KCTD6: variants seen among roughly 807,000 people sequenced by gnomAD.
KCTD6 encodes the protein BTB/POZ domain-containing protein KCTD6.
Under a neutral mutation model 18.7 loss-of-function variants are expected in KCTD6, and 6 were observed. That is an observed-to-expected ratio of 0.32 (90% confidence interval 0.18 to 0.63). KCTD6 has a LOEUF of 0.63. Ranked by LOEUF, KCTD6 falls within the 30% of genes least tolerant of loss-of-function variation. The pLI is 0.79. For missense variants in KCTD6, 165 were observed against 300.2 expected (o/e 0.55, Z 3.33); for synonymous variants, 86 against 108.5 (o/e 0.79, Z 1.29).
At position 58,501,115 on chromosome 3, in the gene KCTD6, GA is replaced by G; in HGVS notation, c.198del (p.Tyr67MetfsTer6). 1 of 1,614,158 alleles carries G rather than the reference GA, an allele frequency of 6.2e-7. No homozygotes were observed. Among genetic ancestry groups the G allele is most frequent in the Non-Finnish European group, 8.5e-7 (1 of 1,180,030 alleles). On this transcript the variant is annotated frameshift_variant, in exon 3 of 3. Coordinates refer to ENST00000404589, the MANE Select transcript of KCTD6 (RefSeq NM_001128214.2). LOFTEE classifies it high-confidence loss of function. The surrounding 1 kb of genome is among the most constrained non-coding windows in gnomAD (Gnocchi z 9.7). ...ATTGATCGAGATGGACCTCTTTTCC[GA>G]TATGTCCTCAACTTCTTAAGAACTT... ...YFIDRDGPLF[R>X]YVLNFLRTSE... is the part of the protein sequence containing the mutation.
intron 1 of KCTD6, among the ~76,000 whole-genome samples, chr3:58,495,283 G>A (rs1293101823): frequency 6.6e-6 from 1 of 152,120 alleles, no homozygotes; most frequent in Admixed American, 6.5e-5. Context: ...GCCCTCCACT[G>A]GAGACTGTGC....
In KCTD6 at chr3:58,493,150, A is replaced by T. The variant is rs1036296169; in HGVS notation, c.-44+981A>T. On this transcript the variant is annotated intron_variant, in intron 1 of 2. Coordinates refer to ENST00000404589, the MANE Select transcript of KCTD6 (RefSeq NM_001128214.2). The surrounding 1 kb of genome is among the most constrained non-coding windows in gnomAD (Gnocchi z 4.5). The stretch of plus-strand genomic sequence containing the variant: ...GCACAGTCCTGAGCCCAAGATTGAG[A>T]TGTTTTCAAATGAACGAATATGTAG... 3.3e-5 allele frequency among the ~76,000 whole-genome samples: 5 copies of T among 152,180 alleles called. No individual in the cohort carries two copies. The highest frequency in any genetic ancestry group is 1.2e-4 in the African/African-American group (5 of 41,452).
In KCTD6 at chr3:58,493,662, G is replaced by C. The variant is rs2063164342; in HGVS notation, c.-44+1493G>C. Among the ~76,000 whole-genome samples the C allele has an allele frequency of 6.6e-6, 1 of 152,196 alleles. No individual in the cohort carries two copies. The highest frequency in any genetic ancestry group is 1.5e-5 in the Non-Finnish European group (1 of 68,042). On this transcript the variant is annotated intron_variant, in intron 1 of 2. Transcript: ENST00000404589. The surrounding 1 kb of genome is among the most constrained non-coding windows in gnomAD (Gnocchi z 4.5). ...GAGATTTGAAGCAAATTAAGAGGCT[G>C]CCTCCTCCATATTTGCCGTCTCCAG...
Position 58,501,243 on chromosome 3 carries a change from A to G in KCTD6, c.325A>G (p.Lys109Glu). 6.2e-7 allele frequency: 1 copy of G among 1,614,148 alleles called. No homozygotes were observed. The highest frequency in any genetic ancestry group is 8.5e-7 in the Non-Finnish European group (1 of 1,180,018). Residue 109 changes from lysine (K) to glutamate (E), a missense_variant, in exon 3 of 3, where the codon AAG becomes GAG. By Grantham distance (56) the Lys-to-Glu change is moderately conservative (BLOSUM62 1). Coordinates refer to ENST00000404589, the MANE Select transcript of KCTD6 (RefSeq NM_001128214.2). This position sits in a 1 kb window ranked among gnomAD's most constrained non-coding sequence, Gnocchi z 9.7. ...CTTGATTCAGTGTCTCAATGATCCTAAGCCTTTGTATCCCATGGATACTTT... is the reference window on the plus strand; with the variant it reads ...CTTGATTCAGTGTCTCAATGATCCTGAGCCTTTGTATCCCATGGATACTTT... ...EPLIQCLNDP[K>E]PLYPMDTFEE...
At position 58,501,861 on chromosome 3, in the gene KCTD6, A is replaced by G. The variant is rs1247408226; in HGVS notation, c.*229A>G. 5 of 339,308 alleles carry G rather than the reference A, an allele frequency of 1.5e-5. No homozygotes were observed. The highest frequency in any genetic ancestry group is 2.1e-5 in the Non-Finnish European group (4 of 188,978). 21.0% of individuals were successfully genotyped at this position (339,308 alleles called of 1,614,324 possible). On this transcript the variant is annotated 3_prime_UTR_variant, in exon 3 of 3. Transcript: ENST00000404589. The surrounding 1 kb of genome is among the most constrained non-coding windows in gnomAD (Gnocchi z 9.7). ...TTCAGAGTCTCCAGATACCTTTTTT[A>G]TAAAAAGAAGTCTGAAAATCATTAT... is the stretch of plus-strand genomic sequence containing the variant.
rs1394603149 is a variant in KCTD6, at chr3:58,492,184, C to T, written c.-44+15C>T. 3 of 149,056 alleles carry T rather than the reference C, an allele frequency of 2.0e-5. No homozygotes were observed. The highest frequency in any genetic ancestry group is 3.0e-5 in the Non-Finnish European group (2 of 66,666). The allele number at this position is 149,056 out of a possible 1,614,324, so 9.2% of individuals were successfully genotyped here. A position where few individuals can be genotyped will look rare whatever the true frequency, so the allele number is the denominator to read the frequency against. ...GCCGCCGCGCAGTGAGTGGGGCTGGCGCGGGGCTTGCGGGGCCGGGGTTTG... is the reference window on the plus strand; with the variant it reads ...GCCGCCGCGCAGTGAGTGGGGCTGGTGCGGGGCTTGCGGGGCCGGGGTTTG... On this transcript the variant is annotated intron_variant, in intron 1 of 2. Coordinates refer to ENST00000404589, the MANE Select transcript of KCTD6 (RefSeq NM_001128214.2). The surrounding 1 kb of genome is among the most constrained non-coding windows in gnomAD (Gnocchi z 6.1).
rs1037176933 is a variant in KCTD6 at position 58,498,588 on chromosome 3, T to A, written c.-43-125T>A. ...CCCCAGATCTTTGCCCTGTAGTAGG[T>A]TTCAGCTGAGCAAGGACGAGTAGTT... On this transcript the variant is annotated intron_variant, in intron 1 of 2. Coordinates refer to ENST00000404589, the MANE Select transcript of KCTD6 (RefSeq NM_001128214.2). The surrounding 1 kb of genome is among the most constrained non-coding windows in gnomAD (Gnocchi z 4.6). 1.2e-4 allele frequency: 79 copies of A among 656,280 alleles called. 1 individual carries two copies. In the South Asian group the frequency reaches 1.4e-3, roughly 11 times the overall value. The allele number at this position is 656,280 out of a possible 1,614,324, so 40.7% of individuals were successfully genotyped here.
chr3:58,495,758 A>G (rs1395644516), intron 1 of KCTD6, among the ~76,000 whole-genome samples: 1 of 152,188 alleles, frequency 6.6e-6, no homozygotes, highest in Non-Finnish European at 1.5e-5. Flanking sequence ...TTTAAGAAAC[A>G]TGGGCTGTAG....
chr3:58,501,670 A>T lies in KCTD6; in HGVS notation c.*38A>T, dbSNP rs2063205338. On this transcript the variant is annotated 3_prime_UTR_variant, in exon 3 of 3. Transcript: ENST00000404589. This position sits in a 1 kb window ranked among gnomAD's most constrained non-coding sequence, Gnocchi z 9.7. Reference sequence around the variant, plus strand: ...CCACAGGTTCCTGGAAAGACTCTCCAGGAAATGGAAGATACTGATTTTTTT... The same window carrying T: ...CCACAGGTTCCTGGAAAGACTCTCCTGGAAATGGAAGATACTGATTTTTTT... 3 of 1,242,660 alleles carry T rather than the reference A, an allele frequency of 2.4e-6. No homozygotes were observed. Among genetic ancestry groups the T allele is most frequent in the Non-Finnish European group, 3.1e-6 (3 of 963,150 alleles). The allele number at this position is 1,242,660 out of a possible 1,614,324, so 77.0% of individuals were successfully genotyped here.
chr3:58,496,647 C>CA lies in KCTD6; in HGVS notation c.-43-2065dup, dbSNP rs1465920453. Among the ~76,000 whole-genome samples, 2 of 152,198 alleles carry CA rather than the reference C, an allele frequency of 1.3e-5. No homozygotes were observed. Among genetic ancestry groups the CA allele is most frequent in the Non-Finnish European group, 1.5e-5 (1 of 68,040 alleles). On this transcript the variant is annotated intron_variant, in intron 1 of 2. Transcript: ENST00000404589. The surrounding 1 kb of genome is among the most constrained non-coding windows in gnomAD (Gnocchi z 5.1). ...ATTTGAAATCTTGCTTTTCCCCTCTCACGGGCCTCTGCTGGTCCATCTGTT... is the reference window on the plus strand; with the variant it reads ...ATTTGAAATCTTGCTTTTCCCCTCTCAACGGGCCTCTGCTGGTCCATCTGTT...
chr3:58,494,920 A>C (rs1484036663), intron 1 of KCTD6, among the ~76,000 whole-genome samples: 1 of 152,200 alleles, frequency 6.6e-6, no homozygotes, highest in Non-Finnish European at 1.5e-5. Context: ...AACATGGTTG[A>C]ATTTTCAGCA....
At position 58,497,982 on chromosome 3, in the gene KCTD6, C is replaced by CTTTTTTTTTTTTTTTTTTT. The variant is rs1233391851; in HGVS notation, c.-43-714_-43-713insTTTTTTTTTTTTTTTTTTT. On this transcript the variant is annotated intron_variant, in intron 1 of 2. Coordinates refer to ENST00000404589, the MANE Select transcript of KCTD6 (RefSeq NM_001128214.2). The surrounding 1 kb of genome is among the most constrained non-coding windows in gnomAD (Gnocchi z 4.2). ...CCCTTCTCCCTTTTTCTTTTCTTTT[C>CTTTTTTTTTTTTTTTTTTT]TTTTTTTTTTTTTTTTTGAGATGGA... is the stretch of plus-strand genomic sequence containing the variant. 1 of 126,204 alleles carries CTTTTTTTTTTTTTTTTTTT rather than the reference C, an allele frequency of 7.9e-6. No homozygotes were observed. The allele number at this position is 126,204 out of a possible 1,614,324, so 7.8% of individuals were successfully genotyped here.
intron 1 of KCTD6, chr3:58,494,069 A>G (rs2063165772): frequency 6.6e-6 from 1 of 152,216 alleles, no homozygotes; most frequent in Non-Finnish European, 1.5e-5. Flanking sequence ...ACTGAGGGTT[A>G]AGAGGAATGT....
At chr3:58,500,729 G>A (rs1344285066) in intron 2 of KCTD6, among the ~76,000 whole-genome samples, 1 of 152,000 alleles carries the variant, frequency 6.6e-6, no homozygotes, top group Non-Finnish European at 1.5e-5. Context: ...AAGAGAAATT[G>A]GATTTCTCCT....
intron 2 of KCTD6, 52 bp from the exon 3 acceptor site, chr3:58,500,894 A>G (rs1275040382): frequency 1.7e-6 from 2 of 1,177,020 alleles, no homozygotes; most frequent in East Asian, 2.4e-5. Flanking sequence ...TAATTTGTCA[A>G]AGTTAGTATT....
Position 58,498,928 on chromosome 3 carries a change from T to A in KCTD6, c.27+146T>A. 1 of 667,364 alleles carries A rather than the reference T, an allele frequency of 1.5e-6. No homozygotes were observed. The highest frequency in any genetic ancestry group is 3.1e-5 in the Admixed American group (1 of 31,914). 41.3% of individuals were successfully genotyped at this position (667,364 alleles called of 1,614,324 possible). A position where few individuals can be genotyped will look rare whatever the true frequency, so the allele number is the denominator to read the frequency against. ...TCTTCCCCCTTTTACTTAGTTTAGA[T>A]GTATTTTGGAGGCGTTTTTGTCTTG... On this transcript the variant is annotated intron_variant, in intron 2 of 2. Coordinates refer to ENST00000404589, the MANE Select transcript of KCTD6 (RefSeq NM_001128214.2). This position sits in a 1 kb window ranked among gnomAD's most constrained non-coding sequence, Gnocchi z 4.6.
chr3:58,494,867 CTG>C (rs777897668), intron 1 of KCTD6, among the ~76,000 whole-genome samples: 21 of 152,204 alleles, frequency 1.4e-4, no homozygotes, highest in Non-Finnish European at 2.4e-4. Flanking sequence ...TAACATGACA[CTG>C]TCAGAATTTA....
In KCTD6 at chr3:58,492,098, T is replaced by C. The variant is rs2063157357; in HGVS notation, c.-115T>C. 1 of 148,344 alleles carries C rather than the reference T, an allele frequency of 6.7e-6. No individual in the cohort carries two copies. 9.2% of individuals were successfully genotyped at this position (148,344 alleles called of 1,614,324 possible). A position where few individuals can be genotyped will look rare whatever the true frequency, so the allele number is the denominator to read the frequency against. ...CCGCCGTCGCCGGGCGCGGGCTCGC[T>C]TGTCCCCGCGCTCGCGCTCTCCGGC... On this transcript the variant is annotated 5_prime_UTR_variant, in exon 1 of 3. Transcript: ENST00000404589. The surrounding 1 kb of genome is among the most constrained non-coding windows in gnomAD (Gnocchi z 6.1).
At chr3:58,495,344 A>G (rs2063170917) in intron 1 of KCTD6, among the ~76,000 whole-genome samples, 1 of 152,200 alleles carries the variant, frequency 6.6e-6, no homozygotes, top group Non-Finnish European at 1.5e-5. Flanking sequence ...AATTGTTAGT[A>G]GCTCTGGAAA....
Sources: allele counts gnomAD v4.1 joint callset (sites outside exome capture counted in the v4.1 genomes callset), GRCh38; gene constraint gnomAD v4.1.1; non-coding constraint Gnocchi (gnomAD v3.1); transcripts MANE v1.5; gene names NCBI Gene and HGNC (gene_info 2026-07-23, HGNC 2026-07-21).